Variants in VAPA observed in about 807,000 individuals in gnomAD.
VAPA encodes the protein vesicle-associated membrane protein-associated protein A.
Under a neutral mutation model 25.6 loss-of-function variants are expected in VAPA, and 6 were observed. The observed-to-expected ratio is 0.23, with a 90% CI of 0.13 to 0.46. The LOEUF is 0.46. Among genes scored for constraint, VAPA ranks in the 20% least tolerant of loss-of-function variants. The probability of loss-of-function intolerance (pLI) is 0.99; values close to 1 mark genes in which losing one functional copy is unlikely to be tolerated. For synonymous variants in VAPA, 112 were observed against 106.2 expected (o/e 1.05, Z -0.34); for missense variants, 244 against 302.1 (o/e 0.81, Z 1.43).
intron 4 of VAPA, among the ~76,000 whole-genome samples, chr18:9,939,415 A>G (rs932685795): frequency 1.4e-4 from 22 of 152,072 alleles, no homozygotes; most frequent in African/African-American, 5.3e-4. Context: ...TTGGCCTCCC[A>G]AAGTGCTGGG....
intron 1 of VAPA, among the ~76,000 whole-genome samples, chr18:9,923,535 G>A (rs2069174653): frequency 6.6e-6 from 1 of 152,120 alleles, no homozygotes; most frequent in South Asian, 2.1e-4. Flanking sequence ...TGTGTGAAGT[G>A]TATATGAATA....
intron 4 of VAPA, chr18:9,947,903 ATAG>A (rs2069442549): frequency 6.6e-6 from 1 of 152,174 alleles, no homozygotes; most frequent in African/African-American, 2.4e-5. Context: ...ATATACATAT[ATAG>A]CATAACATAT....
At chr18:9,916,149 AGTT>A (rs774833406) in intron 1 of VAPA, among the ~76,000 whole-genome samples, 3 of 152,208 alleles carry the variant, frequency 2.0e-5, no homozygotes, top group Non-Finnish European at 2.9e-5. Flanking sequence ...TCCTTAGGGA[AGTT>A]GTTATGTTGC....
At chr18:9,941,342 C>G (rs1178412987) in intron 4 of VAPA, among the ~76,000 whole-genome samples, 1 of 152,074 alleles carries the variant, frequency 6.6e-6, no homozygotes, top group East Asian at 1.9e-4. Context: ...ATGTGACTTT[C>G]AAGTTAATCA....
chr18:9,942,283 T>G (rs1425805062), intron 4 of VAPA, among the ~76,000 whole-genome samples: 1 of 152,236 alleles, frequency 6.6e-6, no homozygotes, highest in Non-Finnish European at 1.5e-5. Flanking sequence ...GGTCACTTTA[T>G]TTTAAAGAGT....
intron 1 of VAPA, among the ~76,000 whole-genome samples, chr18:9,920,139 G>C (rs2069144337): frequency 6.6e-6 from 1 of 152,144 alleles, no homozygotes; most frequent in African/African-American, 2.4e-5. Flanking sequence ...TGGAGGAGGA[G>C]GACGTATGGT....
chr18:9,950,676 CT>C, intron 5 of VAPA, 108 bp downstream of exon 5: 1 of 1,202,216 alleles, frequency 8.3e-7, no homozygotes, highest in Middle Eastern at 2.1e-4. Context: ...TTGGTCAGTT[CT>C]TTCTTCTTTG....
intron 4 of VAPA, chr18:9,948,579 C>T (rs1257861404): frequency 6.6e-6 from 1 of 151,516 alleles, no homozygotes; most frequent in African/African-American, 2.4e-5. Flanking sequence ...ATCTTTTTTT[C>T]CCCCTTTTGG....
chr18:9,922,865 T>G (rs2069168780), intron 1 of VAPA, among the ~76,000 whole-genome samples: 1 of 152,228 alleles, frequency 6.6e-6, no homozygotes, highest in South Asian at 2.1e-4. Flanking sequence ...AACTCTTCAG[T>G]ATGGGTTTTT....
At chr18:9,941,575 T>C (rs1486287161) in intron 4 of VAPA, among the ~76,000 whole-genome samples, 3 of 152,132 alleles carry the variant, frequency 2.0e-5, no homozygotes, top group African/African-American at 7.2e-5. Context: ...AGGTCAATAT[T>C]CTCTATAGAC....
intron 4 of VAPA, among the ~76,000 whole-genome samples, chr18:9,939,170 C>G (rs1567898011): frequency 6.8e-6 from 1 of 147,188 alleles, no homozygotes; most frequent in African/African-American, 2.5e-5. Context: ...CCAAATAGTT[C>G]TTCTTTTTTT....
At chr18:9,929,289 T>C (rs1479285590) in intron 1 of VAPA, among the ~76,000 whole-genome samples, 1 of 152,186 alleles carries the variant, frequency 6.6e-6, no homozygotes, top group East Asian at 1.9e-4. Context: ...TCTACCGTCC[T>C]GTTTCCTGCC....
chr18:9,938,154 A>G (rs555043838), intron 4 of VAPA, among the ~76,000 whole-genome samples: 1 of 152,238 alleles, frequency 6.6e-6, no homozygotes, highest in Non-Finnish European at 1.5e-5. Context: ...TACTGTTGAA[A>G]CCAAGAAAAC....
chr18:9,927,344 T>C (rs947799725), intron 1 of VAPA, among the ~76,000 whole-genome samples: 2 of 152,150 alleles, frequency 1.3e-5, no homozygotes, highest in African/African-American at 4.8e-5. Flanking sequence ...AAGCTAGCTG[T>C]TCCCCTCCTC....
rs2069588158 is a variant in VAPA at position 9,959,822 on chromosome 18, A to G, written c.*5611A>G. 6.6e-6 allele frequency: 1 copy of G among 151,874 alleles called. No homozygotes were observed. Among genetic ancestry groups the G allele is most frequent in the African/African-American group, 2.4e-5 (1 of 41,398 alleles). 9.4% of individuals were successfully genotyped at this position (151,874 alleles called of 1,614,324 possible). On this transcript the variant is annotated 3_prime_UTR_variant, in exon 6 of 6. Coordinates refer to ENST00000400000, the MANE Select transcript of VAPA (RefSeq NM_194434.3). ...AATAAGAATTCCTATTCTTGTTTCA[A>G]ATAGAGGTTTGTTAGGAATTACAGT... is the stretch of plus-strand genomic sequence containing the variant.
chr18:9,945,918 C>T (rs187384884), intron 4 of VAPA, among the ~76,000 whole-genome samples: 17 of 152,204 alleles, frequency 1.1e-4, no homozygotes, highest in Admixed American at 2.6e-4. Flanking sequence ...TTGCCTCTCT[C>T]GGTTTATGAC....
chr18:9,954,019 T>C (rs761514799), intron 5 of VAPA, 34 bp from the exon 6 acceptor site: 2 of 1,610,476 alleles, frequency 1.2e-6, no homozygotes, highest in Non-Finnish European at 1.7e-6. Flanking sequence ...ATGCTTGTTT[T>C]TAAAAACCTT....
intron 4 of VAPA, among the ~76,000 whole-genome samples, chr18:9,942,295 G>A (rs552908369): frequency 2.0e-5 from 3 of 152,204 alleles, no homozygotes; most frequent in African/African-American, 4.8e-5. Flanking sequence ...TTAAAGAGTC[G>A]ATCAAAATTT....
intron 4 of VAPA, among the ~76,000 whole-genome samples, chr18:9,939,195 G>A (rs1167438945): frequency 3.4e-5 from 5 of 145,638 alleles, no homozygotes; most frequent in East Asian, 2.0e-4. Flanking sequence ...TTTTTGAGAC[G>A]GAGTCTTGCT....
Sources: allele counts gnomAD v4.1 joint callset (sites outside exome capture counted in the v4.1 genomes callset), GRCh38; gene constraint gnomAD v4.1.1; transcripts MANE v1.5; gene names NCBI Gene and HGNC (gene_info 2026-07-23, HGNC 2026-07-21).